The following PTPN21 variants were observed in gnomAD, a reference collection of about 807,000 sequenced individuals.
PTPN21 encodes protein tyrosine phosphatase non-receptor type 21.
Under a neutral mutation model 131.8 loss-of-function variants are expected in PTPN21, and 77 were observed. The ratio of observed to expected loss-of-function variants is 0.58; its 90% confidence interval spans 0.49 to 0.71. The LOEUF (loss-of-function observed/expected upper bound fraction) is 0.71, where lower values mean the gene tolerates loss of function less well. Ranked by LOEUF, PTPN21 falls within the 30% of genes least tolerant of loss-of-function variation. The probability of loss-of-function intolerance (pLI) is 0.00; values close to 1 mark genes in which losing one functional copy is unlikely to be tolerated. For synonymous variants in PTPN21, 715 were observed against 621.3 expected, an observed-to-expected ratio of 1.15 and a Z score of -2.24; for missense variants, 1,552 against 1,527.1, an observed-to-expected ratio of 1.02 and a Z score of -0.27.
At chr14:88,530,642 A>T (rs1398691598) in intron 2 of PTPN21, among the ~76,000 whole-genome samples, 1 of 152,316 alleles carries the variant, frequency 6.6e-6, no homozygotes, top group East Asian at 1.9e-4. Flanking sequence ...AGTTATTCTT[A>T]TATTGGGCGA....
intron 10 of PTPN21, among the ~76,000 whole-genome samples, chr14:88,492,666 A>G (rs1396422796): frequency 6.6e-6 from 1 of 152,204 alleles, no homozygotes; most frequent in African/African-American, 2.4e-5. Flanking sequence ...CCTGCAAGAC[A>G]GAAGGCACTT....
At chr14:88,518,383 TG>T (rs2078326004) in intron 2 of PTPN21, among the ~76,000 whole-genome samples, 1 of 13,676 alleles carries the variant, frequency 7.3e-5, no homozygotes, top group Non-Finnish European at 1.5e-4. Flanking sequence ...TATGTGTGTG[TG>T]TGTATATATA....
chr14:88,476,830 C>T (rs2077553791), intron 13 of PTPN21, among the ~76,000 whole-genome samples: 1 of 152,120 alleles, frequency 6.6e-6, no homozygotes, highest in Non-Finnish European at 1.5e-5. Flanking sequence ...AATCCAATCA[C>T]ATAATTTTAC....
chr14:88,524,109 T>C (rs1159714818), intron 2 of PTPN21, among the ~76,000 whole-genome samples: 1 of 152,178 alleles, frequency 6.6e-6, no homozygotes. Flanking sequence ...TGCTTTTTCA[T>C]AGAGATAAAA....
intron 3 of PTPN21, among the ~76,000 whole-genome samples, chr14:88,514,263 G>A (rs1292803374): frequency 6.6e-6 from 1 of 151,972 alleles, no homozygotes; most frequent in Non-Finnish European, 1.5e-5. Flanking sequence ...ATATTCACCT[G>A]TTACACAGAC....
In PTPN21 at chr14:88,472,307, C is replaced by T. The variant is rs756212704; in HGVS notation, c.2808G>A (p.Val936=). The T allele has an allele frequency of 2.5e-6, 4 of 1,613,836 alleles. No individual in the cohort carries two copies. Among genetic ancestry groups the T allele is most frequent in the African/African-American group, 1.3e-5 (1 of 74,900 alleles). The change falls in exon 15 of 19, where the codon GTG becomes GTA. Residue 936 remains valine (V), a synonymous_variant. Coordinates refer to ENST00000556564, the MANE Select transcript of PTPN21 (RefSeq NM_007039.4). ...CTTTAGTTGGGACCAACTCCACTCT[C>T]ACATCATCATAAGGAAGAACATCTT... ...RFQDVLPYDD[V]RVELVPTKEN...
intron 12 of PTPN21, 23 bp from the exon 13 acceptor site, chr14:88,480,375 G>A (rs1413536798): frequency 6.4e-7 from 1 of 1,557,140 alleles, no homozygotes; most frequent in South Asian, 1.1e-5. Context: ...AGTTCAAAAT[G>A]AGATTTTTTT....
chr14:88,517,401 A>T, intron 2 of PTPN21, 140 bp from the exon 3 acceptor site: 1 of 945,676 alleles, frequency 1.1e-6, no homozygotes, highest in Non-Finnish European at 1.5e-6. Flanking sequence ...CAACAGCAAA[A>T]ACTGAAGGAA....
Position 88,479,333 on chromosome 14 carries a change from A to G in PTPN21, c.2098T>C (p.Ser700Pro). ...AEGLRYGHKK[S>P]LSDATMLIHS... ...ATTAGCATGGTGGCGTCCGACAGGG[A>G]CTTCTTATGGCCGTACCTCAAGCCC... The change falls in exon 13 of 19, where the codon TCC becomes CCC. Residue 700 changes from serine (S) to proline (P), a missense_variant. Around this residue, in one of 4 missense-constraint regions of PTPN21, gnomAD observed 1,016 missense variants for 883.5 expected, o/e 1.15. Coordinates refer to ENST00000556564, the MANE Select transcript of PTPN21 (RefSeq NM_007039.4). The G allele has an allele frequency of 6.2e-7, 1 of 1,612,138 alleles. No individual in the cohort carries two copies. Among genetic ancestry groups the G allele is most frequent in the African/African-American group, 1.3e-5 (1 of 74,372 alleles).
chr14:88,471,074 G>A (rs535419626), intron 15 of PTPN21, among the ~76,000 whole-genome samples: 2 of 152,160 alleles, frequency 1.3e-5, no homozygotes, highest in South Asian at 2.1e-4. Context: ...GGAAATGCTC[G>A]GTTTTTAAGT....
At chr14:88,525,585 C>G (rs2078462961) in intron 2 of PTPN21, among the ~76,000 whole-genome samples, 1 of 152,060 alleles carries the variant, frequency 6.6e-6, no homozygotes, top group Admixed American at 6.6e-5. Context: ...AAACTGGAAC[C>G]CTTATACATT....
chr14:88,469,452 A>T lies in PTPN21; in HGVS notation c.3235+47T>A, dbSNP rs1368333616. 2 of 1,459,086 alleles carry T rather than the reference A, an allele frequency of 1.4e-6. No homozygotes were observed. Among genetic ancestry groups the T allele is most frequent in the Admixed American group, 3.4e-5 (2 of 59,644 alleles). The allele number at this position is 1,459,086 out of a possible 1,614,324, so 90.4% of individuals were successfully genotyped here. Reference sequence around the variant, plus strand: ...AAACATAAATGTTCCTCTCTGTTTAACACCTCCAGAGGCAGCTGTCCTCGG... The same window carrying T: ...AAACATAAATGTTCCTCTCTGTTTATCACCTCCAGAGGCAGCTGTCCTCGG... On this transcript the variant is annotated intron_variant, in intron 17 of 18. Transcript: ENST00000556564. The surrounding 1 kb of genome is among the most constrained non-coding windows in gnomAD (Gnocchi z 4.3).
intron 9 of PTPN21, among the ~76,000 whole-genome samples, chr14:88,496,787 T>C (rs561605970): frequency 2.2e-4 from 34 of 152,368 alleles, no homozygotes; most frequent in African/African-American, 7.2e-4. Flanking sequence ...TTGCCAAATA[T>C]ACTCAAAGAC....
At chr14:88,484,344 A>C (rs2140106315) in intron 12 of PTPN21, among the ~76,000 whole-genome samples, 1 of 152,084 alleles carries the variant, frequency 6.6e-6, no homozygotes, top group Middle Eastern at 3.4e-3. Flanking sequence ...ATACAGAGAG[A>C]GTATAGAGTA....
intron 3 of PTPN21, chr14:88,515,175 T>C (rs1176439381): frequency 6.6e-6 from 1 of 152,204 alleles, no homozygotes; most frequent in African/African-American, 2.4e-5. Flanking sequence ...TTCTGAACTC[T>C]CACAGAAGTC....
At chr14:88,475,637 A>T (rs3783889) in intron 13 of PTPN21, among the ~76,000 whole-genome samples, 56,906 of 152,122 alleles carry the variant, frequency 0.37, 11,209 homozygotes, top group African/African-American at 0.5. Context: ...ATTTAACAAC[A>T]GGCTCTTGGA....
In PTPN21 at chr14:88,512,762, A is replaced by C. The variant is rs114066373; in HGVS notation, c.350+4330T>G. Among the ~76,000 whole-genome samples the C allele has an allele frequency of 2.1e-3, 320 of 152,356 alleles. 1 individual carries two copies. Among genetic ancestry groups the C allele is most frequent in the African/African-American group, 7.4e-3 (306 of 41,592 alleles). On this transcript the variant is annotated intron_variant, in intron 3 of 18. Coordinates refer to ENST00000556564, the MANE Select transcript of PTPN21 (RefSeq NM_007039.4). ...GTATTAATTTTAATTAACTTTAGCC[A>C]CATGTAGCTAACAACTACCTTACTG...
Position 88,500,793 on chromosome 14 carries a change from C to A in PTPN21, c.754G>T (p.Val252Leu), listed in dbSNP as rs754246737. 3 of 1,610,752 alleles carry A rather than the reference C, an allele frequency of 1.9e-6. No homozygotes were observed. The highest frequency in any genetic ancestry group is 1.1e-5 in the South Asian group (1 of 90,984). ...AGGTAAGAAAAATACCTAAATACCA[C>A]AGGATGCCTTCCATTCTTGTGTTTC... is the stretch of plus-strand genomic sequence containing the variant. The part of the protein sequence containing the change: ...FVKHKNGRHP[V>L]VFRWHDIANM... Residue 252 changes from valine to leucine, a missense_variant, in exon 8 of 19, where the codon GTG becomes TTG. Coordinates refer to ENST00000556564, the MANE Select transcript of PTPN21 (RefSeq NM_007039.4).
intron 2 of PTPN21, among the ~76,000 whole-genome samples, chr14:88,529,617 A>G (rs1160044802): frequency 5.3e-5 from 8 of 152,174 alleles, no homozygotes; most frequent in Non-Finnish European, 1.0e-4. Context: ...AAGAACACCC[A>G]GGAAATACAT....
Sources: gnomAD v4.1 joint callset for allele counts (sites outside exome capture counted in the v4.1 genomes callset) on GRCh38, gnomAD v4.1.1 for gene constraint, gnomAD v4.1.1 regional missense constraint, Gnocchi (gnomAD v3.1) non-coding constraint, MANE v1.5 for transcripts, NCBI Gene and HGNC (gene_info 2026-07-23, HGNC 2026-07-21) for gene names.